The following ARHGEF28 variants were observed in gnomAD, a reference collection of about 807,000 sequenced individuals.
ARHGEF28 encodes 190 kDa guanine nucleotide exchange factor.
A neutral mutation model predicts 206.6 loss-of-function variants in ARHGEF28; 152 were observed. The ratio of observed to expected loss-of-function variants is 0.74; its 90% CI spans 0.64 to 0.84. ARHGEF28 has a LOEUF of 0.84. ARHGEF28 is among the 40% of genes least tolerant of loss of function. ARHGEF28 has a pLI of 0.00. For synonymous variants in ARHGEF28, 763 were observed against 776.4 expected, an observed-to-expected ratio of 0.98 and a Z score of 0.29; for missense variants, 2,028 against 2,073.2, an observed-to-expected ratio of 0.98 and a Z score of 0.42.
intron 1 of ARHGEF28, among the ~76,000 whole-genome samples, chr5:73,628,457 G>A (rs1315366069): frequency 2.0e-5 from 3 of 152,190 alleles, no homozygotes; most frequent in African/African-American, 7.2e-5. Context: ...GTACTGAACA[G>A]AGCCTAAATT....
At chr5:73,702,496 A>G (rs1748662920) in intron 2 of ARHGEF28, among the ~76,000 whole-genome samples, 1 of 152,148 alleles carries the variant, frequency 6.6e-6, no homozygotes, top group Non-Finnish European at 1.5e-5. Context: ...TTATTACTCT[A>G]GGAACATTAA....
At chr5:73,655,823 A>G (rs147259640) in intron 1 of ARHGEF28, among the ~76,000 whole-genome samples, 1 of 152,322 alleles carries the variant, frequency 6.6e-6, no homozygotes, top group East Asian at 1.9e-4. Context: ...ATGATTTCCA[A>G]AGAAAATAGC....
At chr5:73,729,418 G>T (rs1293590792) in intron 2 of ARHGEF28, among the ~76,000 whole-genome samples, 1 of 151,972 alleles carries the variant, frequency 6.6e-6, no homozygotes, top group African/African-American at 2.4e-5. Context: ...TGCTGCCTTA[G>T]GGGGAGCTGC....
intron 2 of ARHGEF28, among the ~76,000 whole-genome samples, chr5:73,707,524 C>T (rs1012906888): frequency 6.6e-6 from 1 of 152,172 alleles, no homozygotes; most frequent in Non-Finnish European, 1.5e-5. Context: ...TCTTTTAGTA[C>T]TGAATCTGAG....
intron 9 of ARHGEF28, among the ~76,000 whole-genome samples, chr5:73,806,451 CTATA>C (rs1176106046): frequency 1.6e-5 from 2 of 122,672 alleles, no homozygotes; most frequent in African/African-American, 6.7e-5. Flanking sequence ...TAGTATATAT[CTATA>C]TATAGTATGT....
At chr5:73,641,225 G>A (rs918673479) in intron 1 of ARHGEF28, among the ~76,000 whole-genome samples, 1 of 152,178 alleles carries the variant, frequency 6.6e-6, no homozygotes, top group African/African-American at 2.4e-5. Context: ...ATTTGTGTAA[G>A]TACATCTGTC....
chr5:73,707,296 G>C (rs368082660), intron 2 of ARHGEF28, among the ~76,000 whole-genome samples: 3 of 152,192 alleles, frequency 2.0e-5, no homozygotes, highest in African/African-American at 7.2e-5. Flanking sequence ...TGGAAGGCAC[G>C]TTTGTTTTGT....
chr5:73,853,859 A>G (rs570943803), intron 14 of ARHGEF28, among the ~76,000 whole-genome samples: 17 of 152,316 alleles, frequency 1.1e-4, no homozygotes, highest in African/African-American at 4.1e-4. Context: ...GTTATCAAGA[A>G]TTTTTTAAAT....
chr5:73,914,496 AGGTGAT>A lies in ARHGEF28; in HGVS notation c.4948+2922_4948+2927del, dbSNP rs1433873464. ...ACTGCAACCTCCACCTCCCGAGTTC[AGGTGAT>A]TCTCCTGCCTCAGCCTCCTGAGTAG... On this transcript the variant is annotated intron_variant, in intron 35 of 35. Coordinates refer to ENST00000513042, the MANE Select transcript of ARHGEF28 (RefSeq NM_001177693.2). Among the ~76,000 whole-genome samples, 6 of 138,886 alleles carry A rather than the reference AGGTGAT, an allele frequency of 4.3e-5. No homozygotes were observed. The East Asian group carries it at 1.3e-3, about 30-fold the overall frequency. 91.1% of individuals were successfully genotyped at this position (138,886 alleles called of 152,430 possible).
intron 35 of ARHGEF28, among the ~76,000 whole-genome samples, chr5:73,932,253 C>T (rs1004110808): frequency 6.6e-6 from 1 of 152,196 alleles, no homozygotes; most frequent in African/African-American, 2.4e-5. Flanking sequence ...TTCTGTCCCT[C>T]ACTTCATTCT....
intron 4 of ARHGEF28, among the ~76,000 whole-genome samples, chr5:73,757,742 A>G (rs987550200): frequency 1.3e-5 from 2 of 152,238 alleles, no homozygotes; most frequent in African/African-American, 4.8e-5. Flanking sequence ...TCTAGTTCAT[A>G]AAATTAAGAC....
chr5:73,668,019 T>A (rs1475765863), intron 1 of ARHGEF28, among the ~76,000 whole-genome samples: 9 of 152,228 alleles, frequency 5.9e-5, no homozygotes, highest in African/African-American at 2.2e-4. Context: ...TTCTACCACA[T>A]TCTGGTCATG....
At chr5:73,631,467 C>T (rs11739158) in intron 1 of ARHGEF28, among the ~76,000 whole-genome samples, 58,898 of 151,932 alleles carry the variant, frequency 0.39, 12,561 homozygotes, top group Admixed American at 0.55. Flanking sequence ...TACTTTGAGC[C>T]TCTAACCCAG....
intron 16 of ARHGEF28, among the ~76,000 whole-genome samples, chr5:73,858,643 A>G (rs760928018): frequency 1.3e-5 from 2 of 152,154 alleles, no homozygotes; most frequent in African/African-American, 2.4e-5. Context: ...CAGAAAACAT[A>G]TAAAACCAGG....
intron 34 of ARHGEF28, among the ~76,000 whole-genome samples, chr5:73,910,750 GTTAT>G (rs997374188): frequency 5.9e-5 from 9 of 152,160 alleles, no homozygotes; most frequent in Admixed American, 2.0e-4. Flanking sequence ...ACTAATAAGA[GTTAT>G]TTATTTGTGT....
At chr5:73,915,009 G>A (rs1487617949) in intron 35 of ARHGEF28, among the ~76,000 whole-genome samples, 5 of 152,178 alleles carry the variant, frequency 3.3e-5, no homozygotes, top group African/African-American at 1.2e-4. Flanking sequence ...CAAAGTGCTG[G>A]GATTATAGGC....
Position 73,682,369 on chromosome 5 carries a change from T to A in ARHGEF28, c.-11-2472T>A, listed in dbSNP as rs139565572. ...ATAGAACTTTTCATATTCACTTTCTTGCCAAGTGTATCCTCTGGGGATTAC... is the reference window on the plus strand; with the variant it reads ...ATAGAACTTTTCATATTCACTTTCTAGCCAAGTGTATCCTCTGGGGATTAC... On this transcript the variant is annotated intron_variant, in intron 1 of 35. Transcript: ENST00000513042. Among the ~76,000 whole-genome samples the A allele has an allele frequency of 2.6e-3, 403 of 152,162 alleles. 1 individual carries two copies. Among genetic ancestry groups the A allele is most frequent in the African/African-American group, 9.4e-3 (392 of 41,516 alleles).
chr5:73,743,874 A>G (rs954723615), intron 2 of ARHGEF28, among the ~76,000 whole-genome samples: 2 of 152,186 alleles, frequency 1.3e-5, no homozygotes, highest in Non-Finnish European at 2.9e-5. Context: ...AGTTAAATGA[A>G]AAGCTGTAGA....
At chr5:73,742,258 A>C (rs1751478571) in intron 2 of ARHGEF28, among the ~76,000 whole-genome samples, 1 of 152,146 alleles carries the variant, frequency 6.6e-6, no homozygotes, top group Admixed American at 6.5e-5. Flanking sequence ...AAAAATCCAT[A>C]CTGGCAGACT....
Sources: allele counts gnomAD v4.1 joint callset (sites outside exome capture counted in the v4.1 genomes callset), GRCh38; gene constraint gnomAD v4.1.1; transcripts MANE v1.5; gene names NCBI Gene and HGNC (gene_info 2026-07-23, HGNC 2026-07-21).